Variants in TBL1X observed in about 807,000 individuals in gnomAD.
TBL1X encodes the protein transducin beta like 1 X-linked, also known as F-box-like/WD repeat-containing protein TBL1X.
A neutral mutation model predicts 50.7 loss-of-function variants in TBL1X; 10 were observed. That is an observed-to-expected ratio of 0.20 (90% CI 0.12 to 0.33). The LOEUF is 0.33. Among genes scored for constraint, TBL1X ranks in the 10% least tolerant of loss-of-function variants. TBL1X has a pLI of 1.00. For missense variants in TBL1X, 340 were observed against 504.4 expected (o/e 0.67, Z 3.12); for synonymous variants, 190 against 214.7 (o/e 0.88, Z 1.01).
At chrX:9,513,806 A>G (rs1246712772) in intron 2 of TBL1X, among the ~76,000 whole-genome samples, 1 of 109,206 alleles carries the variant, frequency 9.2e-6, no homozygotes, top group Non-Finnish European at 1.9e-5. Flanking sequence ...TACAGGCTGT[A>G]CAGGCATGGT....
intron 2 of TBL1X, among the ~76,000 whole-genome samples, chrX:9,601,243 A>G (rs970601909): frequency 9.0e-6 from 1 of 111,063 alleles, no homozygotes; most frequent in African/African-American, 3.3e-5. Context: ...CATCTGGGTC[A>G]TATAGGGAGG....
intron 5 of TBL1X, among the ~76,000 whole-genome samples, chrX:9,676,461 C>T (rs2082994957): frequency 8.9e-6 from 1 of 112,671 alleles, no homozygotes; most frequent in African/African-American, 3.2e-5. Context: ...TGAAAATAGT[C>T]TTGGCAAGGG....
chrX:9,667,258 TC>T (rs2082936465), intron 5 of TBL1X, among the ~76,000 whole-genome samples: 1 of 111,101 alleles, frequency 9.0e-6, no homozygotes, highest in Non-Finnish European at 1.9e-5. Flanking sequence ...GAGACTCCGT[TC>T]CCCCCTACCC....
chrX:9,513,771 T>G (rs1379971949), intron 2 of TBL1X, among the ~76,000 whole-genome samples: 1 of 109,641 alleles, frequency 9.1e-6, no homozygotes, highest in African/African-American at 3.3e-5. Flanking sequence ...CTGGGTAATT[T>G]AGAGGTTTAT....
intron 3 of TBL1X, among the ~76,000 whole-genome samples, chrX:9,640,790 C>T (rs1237896060): frequency 1.8e-5 from 2 of 111,369 alleles, no homozygotes; most frequent in Non-Finnish European, 1.9e-5. Context: ...GCCACCACAC[C>T]TGGCTAATTT....
intron 6 of TBL1X, among the ~76,000 whole-genome samples, chrX:9,685,154 T>C (rs143041100): frequency 7.1e-5 from 8 of 112,462 alleles, no homozygotes; most frequent in African/African-American, 2.6e-4. Context: ...GCCAATTTTA[T>C]ACCAATTTTG....
intron 3 of TBL1X, among the ~76,000 whole-genome samples, chrX:9,651,010 CCTTTTTT>C (rs1569086831): frequency 2.9e-4 from 22 of 75,461 alleles, no homozygotes; most frequent in African/African-American, 9.3e-4. Context: ...TAGCTGCCAG[CCTTTTTT>C]TTTTTTTTTT....
intron 2 of TBL1X, among the ~76,000 whole-genome samples, chrX:9,542,898 CAG>C (rs781277018): frequency 1.8e-5 from 2 of 112,384 alleles, no homozygotes; most frequent in South Asian, 7.4e-4. Flanking sequence ...CTGGGTGCTG[CAG>C]AGAGGGAAGA....
chrX:9,556,008 C>CA (rs749785563), intron 2 of TBL1X, among the ~76,000 whole-genome samples: 1 of 108,681 alleles, frequency 9.2e-6, no homozygotes, highest in Admixed American at 9.8e-5. Flanking sequence ...GGCAACATGG[C>CA]AAAACCTCAT....
chrX:9,477,344 G>A (rs1427898152), intron 1 of TBL1X, among the ~76,000 whole-genome samples: 1 of 111,958 alleles, frequency 8.9e-6, no homozygotes, highest in African/African-American at 3.2e-5. Context: ...TCCATTCAGT[G>A]TTCTATATTT....
At chrX:9,489,205 AG>A (rs1287739836) in intron 1 of TBL1X, among the ~76,000 whole-genome samples, 1 of 109,874 alleles carries the variant, frequency 9.1e-6, no homozygotes, top group Non-Finnish European at 1.9e-5. Flanking sequence ...CCATGAAGCA[AG>A]CAGAGGTAGC....
At chrX:9,653,481 A>C in intron 3 of TBL1X, 64 bp from the exon 4 acceptor site, 1 of 702,740 alleles carries the variant, frequency 1.4e-6, no homozygotes. Flanking sequence ...GATGCAGCGG[A>C]TTCTGTGGTG....
chrX:9,710,175 C>CTG (rs2083236547), intron 15 of TBL1X, among the ~76,000 whole-genome samples: 1 of 103,046 alleles, frequency 9.7e-6, no homozygotes, highest in Non-Finnish European at 2.0e-5. Flanking sequence ...GGTGATCACA[C>CTG]CACTGCACTC....
At chrX:9,703,915 C>T (rs1290741241) in intron 12 of TBL1X, among the ~76,000 whole-genome samples, 1 of 112,611 alleles carries the variant, frequency 8.9e-6, no homozygotes, top group Admixed American at 9.3e-5. Flanking sequence ...CATGGTCCAG[C>T]CCTGTGGAGG....
chrX:9,509,184 G>A (rs1358998772), intron 2 of TBL1X, among the ~76,000 whole-genome samples: 8 of 106,770 alleles, frequency 7.5e-5, no homozygotes, highest in African/African-American at 2.7e-4. Context: ...TCAGGAGATC[G>A]AAATCATCCT....
intron 5 of TBL1X, among the ~76,000 whole-genome samples, chrX:9,677,256 G>A (rs905499801): frequency 4.5e-5 from 5 of 111,540 alleles, no homozygotes; most frequent in Non-Finnish European, 9.4e-5. Flanking sequence ...AGGAGAAGCT[G>A]TGCTGACTCC....
chrX:9,556,061 C>T (rs2082296370), intron 2 of TBL1X, among the ~76,000 whole-genome samples: 1 of 109,913 alleles, frequency 9.1e-6, no homozygotes, highest in African/African-American at 3.3e-5. Flanking sequence ...TGGTGGCACA[C>T]ACCTGTGGTC....
chrX:9,704,125 G>C (rs970134633), intron 12 of TBL1X, among the ~76,000 whole-genome samples: 1 of 112,144 alleles, frequency 8.9e-6, no homozygotes, highest in African/African-American at 3.2e-5. Context: ...GAACCACCTG[G>C]ACCTGAGAAA....
chrX:9,617,816 G>A (rs765917657), intron 2 of TBL1X, among the ~76,000 whole-genome samples: 1 of 112,315 alleles, frequency 8.9e-6, no homozygotes, highest in Non-Finnish European at 1.9e-5. Flanking sequence ...GATTACACTT[G>A]TGTAGAAAGT....
Sources: allele counts gnomAD v4.1 joint callset (sites outside exome capture counted in the v4.1 genomes callset), GRCh38; gene constraint gnomAD v4.1.1; transcripts MANE v1.5; gene names NCBI Gene and HGNC (gene_info 2026-07-23, HGNC 2026-07-21).